Variants in SOX5 observed in about 807,000 individuals in gnomAD.
SOX5 encodes SRY-box transcription factor 5.
SOX5 carries 9 observed loss-of-function variants against 92.0 expected under a neutral mutation model. The ratio of observed to expected loss-of-function variants is 0.10; its 90% CI spans 0.06 to 0.17. The LOEUF (loss-of-function observed/expected upper bound fraction) is 0.17, where lower values mean the gene tolerates loss of function less well. Among genes scored for constraint, SOX5 ranks in the 10% least tolerant of loss-of-function variants. SOX5 has a pLI of 1.00. For synonymous variants in SOX5, 344 were observed against 336.3 expected (o/e 1.02, Z -0.25); for missense variants, 642 against 944.5 (o/e 0.68, Z 4.20).
rs201036336 is a variant in SOX5 at position 24,078,048 on chromosome 12, T to TA, written c.-2+135294_-2+135295insT. 5.5e-3 allele frequency among the ~76,000 whole-genome samples: 843 copies of TA among 152,014 alleles called. 4 individuals carry two copies. The highest frequency in any genetic ancestry group is 0.02 in the East Asian group (103 of 5,166). ...ATATTTAAAAAGCATAACTTTTACCTTTATAATATGTACACAGATGAAATA... is the reference window on the plus strand; with the variant it reads ...ATATTTAAAAAGCATAACTTTTACCTATTATAATATGTACACAGATGAAATA... On this transcript the variant is annotated intron_variant, in intron 4 of 4. Coordinates refer to the SOX5 transcript ENST00000446891.
chr12:24,542,613 G>A (rs956819417), intron 1 of SOX5, among the ~76,000 whole-genome samples: 1 of 152,052 alleles, frequency 6.6e-6, no homozygotes, highest in Admixed American at 6.6e-5. Flanking sequence ...CACTTTAATT[G>A]TCTGCTTCAT....
At chr12:24,108,622 C>T (rs1946963095) in intron 4 of SOX5, among the ~76,000 whole-genome samples, 1 of 152,090 alleles carries the variant, frequency 6.6e-6, no homozygotes, top group African/African-American at 2.4e-5. Flanking sequence ...CCTATCTTTA[C>T]AAGTGGAATA....
intron 4 of SOX5, among the ~76,000 whole-genome samples, chr12:24,197,107 A>G (rs7136253): frequency 0.24 from 35,992 of 151,936 alleles, 5,280 homozygotes; most frequent in African/African-American, 0.42. Context: ...TATCCTCATA[A>G]CTAACTGTTT....
rs536282177 is a variant in SOX5, at chr12:23,948,113, G to T, written c.38+1451C>A. ...TATAAGGCTATATTTGCAAATAAAA[G>T]CTCACTAATTAAAGAGTTAATATAT... On this transcript the variant is annotated intron_variant, in intron 1 of 14. Coordinates refer to ENST00000451604, the MANE Select transcript of SOX5 (RefSeq NM_006940.6). Among the ~76,000 whole-genome samples the T allele has an allele frequency of 2.6e-5, 4 of 151,388 alleles. No homozygotes were observed. In the East Asian group the frequency reaches 7.8e-4, roughly 29 times the overall value.
chr12:24,194,794 T>C (rs11047307), intron 4 of SOX5, among the ~76,000 whole-genome samples: 37,434 of 152,014 alleles, frequency 0.25, 5,914 homozygotes, highest in African/African-American at 0.45. Flanking sequence ...TCATTTAATA[T>C]GTCAAAAAAA....
intron 3 of SOX5, among the ~76,000 whole-genome samples, chr12:23,773,582 G>C (rs1370169822): frequency 6.6e-6 from 1 of 152,124 alleles, no homozygotes; most frequent in Non-Finnish European, 1.5e-5. Context: ...ATGTTGGCCA[G>C]GCTGGTCTCA....
chr12:24,257,151 C>T (rs1291338851), intron 3 of SOX5, among the ~76,000 whole-genome samples: 1 of 152,170 alleles, frequency 6.6e-6, no homozygotes, highest in Non-Finnish European at 1.5e-5. Context: ...TTAAATGTTT[C>T]TTTCCTGCAA....
At chr12:23,858,181 AAATAAT>A (rs529947383) in intron 2 of SOX5, among the ~76,000 whole-genome samples, 1 of 152,030 alleles carries the variant, frequency 6.6e-6, no homozygotes, top group African/African-American at 2.4e-5. Context: ...AAGCGCTAAA[AAATAAT>A]AATAATAAAT....
intron 7 of SOX5, among the ~76,000 whole-genome samples, chr12:23,663,426 G>C (rs556550551): frequency 1.3e-5 from 2 of 152,174 alleles, no homozygotes; most frequent in East Asian, 1.9e-4. Flanking sequence ...TGAGAGTGAG[G>C]TGGAGGTGTT....
At chr12:23,551,774 T>A (rs1287356398) in intron 11 of SOX5, among the ~76,000 whole-genome samples, 1 of 150,494 alleles carries the variant, frequency 6.6e-6, no homozygotes, top group Admixed American at 6.6e-5. Context: ...ATCTGCCTTA[T>A]CTAATACTGA....
At chr12:23,802,618 C>A (rs1033361112) in intron 3 of SOX5, among the ~76,000 whole-genome samples, 9 of 151,974 alleles carry the variant, frequency 5.9e-5, no homozygotes, top group East Asian at 1.9e-4. Context: ...AATTGTGACA[C>A]CCTCTAAAAA....
intron 7 of SOX5, among the ~76,000 whole-genome samples, chr12:23,661,469 A>T (rs1287259461): frequency 6.6e-6 from 1 of 152,230 alleles, no homozygotes; most frequent in African/African-American, 2.4e-5. Context: ...ACCTTTTCTC[A>T]AATGTCGCTC....
chr12:23,687,926 C>T (rs968571068), intron 6 of SOX5, among the ~76,000 whole-genome samples: 1 of 151,490 alleles, frequency 6.6e-6, no homozygotes, highest in African/African-American at 2.4e-5. Flanking sequence ...TTTCAATCAG[C>T]CTGCCACTGA....
intron 3 of SOX5, among the ~76,000 whole-genome samples, chr12:23,806,645 T>G (rs1011471975): frequency 7.6e-6 from 1 of 131,298 alleles, no homozygotes; most frequent in Non-Finnish European, 1.6e-5. Flanking sequence ...CATCACAGAA[T>G]AGTGGAGTGG....
chr12:23,627,610 C>T (rs2078001557), intron 8 of SOX5, among the ~76,000 whole-genome samples: 1 of 152,070 alleles, frequency 6.6e-6, no homozygotes, highest in African/African-American at 2.4e-5. Flanking sequence ...TTAATCCTCA[C>T]AACACCTTTA....
intron 10 of SOX5, among the ~76,000 whole-genome samples, chr12:23,574,759 A>AT (rs200453224): frequency 0.012 from 1,790 of 152,106 alleles, 34 homozygotes; most frequent in Middle Eastern, 0.048. Context: ...TCACTTTGTG[A>AT]TTTTTTTCTT....
intron 1 of SOX5, among the ~76,000 whole-genome samples, chr12:24,413,122 T>G (rs1209568882): frequency 6.6e-6 from 1 of 152,226 alleles, no homozygotes; most frequent in African/African-American, 2.4e-5. Flanking sequence ...CTGTCTAGTT[T>G]TTTTACAAAG....
At chr12:23,914,687 G>T (rs1355056956) in intron 1 of SOX5, among the ~76,000 whole-genome samples, 2 of 152,038 alleles carry the variant, frequency 1.3e-5, no homozygotes, top group Non-Finnish European at 2.9e-5. Flanking sequence ...ATTAATTAAA[G>T]TAATTGTTTT....
chr12:23,759,675 G>A (rs1264068010), intron 3 of SOX5, among the ~76,000 whole-genome samples: 2 of 152,060 alleles, frequency 1.3e-5, no homozygotes, highest in African/African-American at 2.4e-5. Context: ...AAATGTAAAG[G>A]ACCAAATGGC....
Sources: gnomAD v4.1 joint callset for allele counts (sites outside exome capture counted in the v4.1 genomes callset) on GRCh38, gnomAD v4.1.1 for gene constraint, MANE v1.5 for transcripts, NCBI Gene and HGNC (gene_info 2026-07-23, HGNC 2026-07-21) for gene names.